Variants in NSMCE2 observed in about 807,000 individuals in gnomAD.
NSMCE2 encodes the protein E3 SUMO-protein ligase NSE2.
NSMCE2 carries 24 observed loss-of-function variants against 23.8 expected under a neutral mutation model. The ratio of observed to expected loss-of-function variants is 1.01; its 90% CI spans 0.73 to 1.42. NSMCE2 has a LOEUF of 1.42. Ranked by LOEUF, NSMCE2 falls within the 40% of genes most tolerant of loss-of-function variation. NSMCE2 has a pLI of 0.00. For synonymous variants in NSMCE2, 92 were observed against 94.1 expected, an observed-to-expected ratio of 0.98 and a Z score of 0.13; for missense variants, 284 against 296.5, an observed-to-expected ratio of 0.96 and a Z score of 0.31.
intron 3 of NSMCE2, among the ~76,000 whole-genome samples, chr8:125,112,553 C>T (rs1046783942): frequency 6.7e-6 from 1 of 149,978 alleles, no homozygotes; most frequent in East Asian, 2.0e-4. Flanking sequence ...GAATATTATT[C>T]AGTCTTAAAA....
chr8:125,286,982 G>A lies in NSMCE2; in HGVS notation c.419-70237G>A, dbSNP rs561168746. Reference sequence around the variant, plus strand: ...GGTGAACTCCCGATCTCACTGTAACGTGCCTCCTCTGTAGGGTGGTTTTAC... The same window carrying A: ...GGTGAACTCCCGATCTCACTGTAACATGCCTCCTCTGTAGGGTGGTTTTAC... On this transcript the variant is annotated intron_variant, in intron 5 of 7. Transcript: ENST00000287437. Among the ~76,000 whole-genome samples the A allele has an allele frequency of 5.3e-5, 8 of 152,200 alleles. No individual in the cohort carries two copies. In the South Asian group the frequency reaches 6.2e-4, roughly 12 times the overall value.
At chr8:125,125,682 A>G (rs1306731421) in intron 3 of NSMCE2, among the ~76,000 whole-genome samples, 1 of 152,194 alleles carries the variant, frequency 6.6e-6, no homozygotes, top group Non-Finnish European at 1.5e-5. Flanking sequence ...AAGAGCTGTG[A>G]GCAGCTTGGT....
chr8:125,141,718 GGCATTTGTTTA>G (rs1029742779), intron 3 of NSMCE2, among the ~76,000 whole-genome samples: 80 of 152,142 alleles, frequency 5.3e-4, no homozygotes, highest in African/African-American at 1.9e-3. Flanking sequence ...AGAGGAGTGA[GGCATTTGTTTA>G]GCCTCTACCC....
At chr8:125,218,358 A>G (rs1824692803) in intron 5 of NSMCE2, among the ~76,000 whole-genome samples, 1 of 152,096 alleles carries the variant, frequency 6.6e-6, no homozygotes, top group African/African-American at 2.4e-5. Flanking sequence ...TGCTATTCAA[A>G]TATAAAAACT....
intron 4 of NSMCE2, among the ~76,000 whole-genome samples, chr8:125,173,994 A>G (rs900861484): frequency 3.3e-5 from 5 of 152,266 alleles, no homozygotes; most frequent in Non-Finnish European, 5.9e-5. Context: ...TGTAAGTGCA[A>G]AGTGTTGTTA....
chr8:125,223,541 G>A (rs769835852), intron 5 of NSMCE2, among the ~76,000 whole-genome samples: 3 of 152,066 alleles, frequency 2.0e-5, no homozygotes, highest in Non-Finnish European at 2.9e-5. Flanking sequence ...AGTTTTTTGA[G>A]GAACTTCCAT....
At chr8:125,348,711 T>C (rs1042288049) in intron 5 of NSMCE2, 1 of 151,628 alleles carries the variant, frequency 6.6e-6, no homozygotes, top group Non-Finnish European at 1.5e-5. Context: ...TGCCGCCATG[T>C]AAGACGTCCT....
chr8:125,150,426 CTTTTTTTTTTTTT>C (rs71295819), intron 3 of NSMCE2, among the ~76,000 whole-genome samples: 15 of 61,870 alleles, frequency 2.4e-4, no homozygotes, highest in Admixed American at 1.2e-3. Flanking sequence ...TTCTTTCTTT[CTTTTTTTTTTTTT>C]TTTTTTTTTT....
rs1024323164 is a variant in NSMCE2 at position 125,265,386 on chromosome 8, T to C, written c.418+83130T>C. 3.4e-4 allele frequency among the ~76,000 whole-genome samples: 51 copies of C among 152,002 alleles called. 1 individual carries two copies. The highest frequency in any genetic ancestry group is 1.2e-3 in the African/African-American group (50 of 41,370). On this transcript the variant is annotated intron_variant, in intron 5 of 7. Transcript: ENST00000287437. ...ACAGGCATGCACCACTGTGCCCGGC[T>C]GATTTTATATTTTTTGAAGAGACAG...
At chr8:125,112,034 G>A (rs1464472246) in intron 3 of NSMCE2, among the ~76,000 whole-genome samples, 4 of 152,138 alleles carry the variant, frequency 2.6e-5, no homozygotes, top group Non-Finnish European at 5.9e-5. Flanking sequence ...AATAGAAGGA[G>A]TAACTAGAAG....
intron 5 of NSMCE2, among the ~76,000 whole-genome samples, chr8:125,310,845 T>C (rs575204151): frequency 6.6e-6 from 1 of 152,320 alleles, no homozygotes; most frequent in African/African-American, 2.4e-5. Context: ...TAACGATTAA[T>C]GAGATATGTT....
chr8:125,093,200 G>A (rs969697384), intron 1 of NSMCE2, among the ~76,000 whole-genome samples: 2 of 152,180 alleles, frequency 1.3e-5, no homozygotes, highest in Admixed American at 1.3e-4. Flanking sequence ...TCCTCACATG[G>A]TGGAATGGCA....
intron 4 of NSMCE2, among the ~76,000 whole-genome samples, chr8:125,171,381 G>A (rs1256682904): frequency 6.6e-6 from 1 of 152,150 alleles, no homozygotes; most frequent in Admixed American, 6.5e-5. Context: ...CATGGACTTA[G>A]CGATATAACA....
At chr8:125,289,293 G>A (rs1828018605) in intron 5 of NSMCE2, among the ~76,000 whole-genome samples, 1 of 152,182 alleles carries the variant, frequency 6.6e-6, no homozygotes, top group African/African-American at 2.4e-5. Context: ...AGCTGTTGCA[G>A]GACAACTGGA....
intron 5 of NSMCE2, among the ~76,000 whole-genome samples, chr8:125,281,508 C>T (rs1275901556): frequency 1.3e-5 from 2 of 151,840 alleles, no homozygotes; most frequent in Non-Finnish European, 2.9e-5. Flanking sequence ...GGCACAATCT[C>T]GGCTCACTGC....
Position 125,357,793 on chromosome 8 carries a change from A to G in NSMCE2, c.601A>G (p.Arg201Gly). ...EDAIVRMIES[R>G]QKRKKKAYCP... ...CGCCATTGTTCGCATGATTGAGTCC[A>G]GGCAAAAGCGGAAGAAAAAGGCCTA... Residue 201 changes from arginine to glycine, a missense_variant, in exon 7 of 8, where the codon AGG becomes GGG. By Grantham distance (125) the Arg-to-Gly change is moderately radical. Transcript: ENST00000287437. The G allele has an allele frequency of 6.2e-7, 1 of 1,613,998 alleles. No individual in the cohort carries two copies. Among genetic ancestry groups the G allele is most frequent in the Non-Finnish European group, 8.5e-7 (1 of 1,179,816 alleles).
At chr8:125,123,607 AAC>A (rs145276147) in intron 3 of NSMCE2, among the ~76,000 whole-genome samples, 1 of 152,000 alleles carries the variant, frequency 6.6e-6, no homozygotes, top group Non-Finnish European at 1.5e-5. Flanking sequence ...CACGCACACA[AAC>A]ACACACACAC....
chr8:125,271,227 C>T (rs1202070229), intron 5 of NSMCE2, among the ~76,000 whole-genome samples: 1 of 147,910 alleles, frequency 6.8e-6, no homozygotes, highest in Non-Finnish European at 1.5e-5. Context: ...TGCCATTGCA[C>T]TGCAGACTGG....
chr8:125,113,475 G>C (rs1051547625), intron 3 of NSMCE2, among the ~76,000 whole-genome samples: 4 of 152,026 alleles, frequency 2.6e-5, no homozygotes, highest in Admixed American at 2.0e-4. Flanking sequence ...GAAAGACCCT[G>C]TCTCTAAAAA....
Sources: allele counts gnomAD v4.1 joint callset (sites outside exome capture counted in the v4.1 genomes callset), GRCh38; gene constraint gnomAD v4.1.1; transcripts MANE v1.5; gene names NCBI Gene and HGNC (gene_info 2026-07-23, HGNC 2026-07-21).